The following PCDH9 variants were observed in gnomAD, a reference collection of about 807,000 sequenced individuals.
PCDH9 encodes the protein protocadherin-9.
In PCDH9, 24 loss-of-function variants were observed where a neutral mutation model predicts 70.6. The ratio of observed to expected loss-of-function variants is 0.34; its 90% confidence interval spans 0.25 to 0.48. The LOEUF (loss-of-function observed/expected upper bound fraction) is 0.48, where lower values mean the gene tolerates loss of function less well. Among genes scored for constraint, PCDH9 ranks in the 20% least tolerant of loss-of-function variants. The pLI, the probability that PCDH9 is intolerant of heterozygous loss-of-function variation, is 0.99. For missense variants in PCDH9, 1,281 were observed against 1,503.6 expected (o/e 0.85, Z 2.45); for synonymous variants, 562 against 558.5 (o/e 1.01, Z -0.09).
At chr13:67,101,836 C>T (rs2138241802) in intron 2 of PCDH9, among the ~76,000 whole-genome samples, 1 of 152,070 alleles carries the variant, frequency 6.6e-6, no homozygotes, top group African/African-American at 2.4e-5. Flanking sequence ...TTAAAACAAA[C>T]AATGGATAAC....
intron 3 of PCDH9, among the ~76,000 whole-genome samples, chr13:66,723,283 GC>G (rs2078965755): frequency 6.6e-6 from 1 of 152,048 alleles, no homozygotes; most frequent in African/African-American, 2.4e-5. Context: ...GAGTTAACAG[GC>G]CCCTCCAGAT....
chr13:66,475,760 A>G (rs961240414), intron 4 of PCDH9, among the ~76,000 whole-genome samples: 2 of 152,216 alleles, frequency 1.3e-5, no homozygotes, highest in African/African-American at 4.8e-5. Context: ...TACGCCCAGA[A>G]AGGGAGATGT....
intron 4 of PCDH9, among the ~76,000 whole-genome samples, chr13:66,474,999 T>A (rs9540766): frequency 0.18 from 27,745 of 151,992 alleles, 2,665 homozygotes; most frequent in Non-Finnish European, 0.21. Context: ...CTTGGGACAC[T>A]CTGTCACAAT....
At chr13:67,199,123 T>C (rs2089148185) in intron 2 of PCDH9, among the ~76,000 whole-genome samples, 1 of 151,504 alleles carries the variant, frequency 6.6e-6, no homozygotes, top group African/African-American at 2.4e-5. Context: ...AATTGATGCT[T>C]GGATCATTTT....
intron 3 of PCDH9, among the ~76,000 whole-genome samples, chr13:66,660,098 T>C (rs4884683): frequency 0.57 from 86,902 of 151,978 alleles, 25,230 homozygotes; most frequent in African/African-American, 0.66. Context: ...CACCACCACA[T>C]GGTCAAGTGA....
At chr13:66,847,774 C>T (rs192236112) in intron 3 of PCDH9, among the ~76,000 whole-genome samples, 131 of 152,262 alleles carry the variant, frequency 8.6e-4, no homozygotes, top group Non-Finnish European at 1.6e-3. Context: ...GACTAACGAG[C>T]AGGCAGCATA....
At chr13:66,463,704 T>G (rs1958466289) in intron 4 of PCDH9, among the ~76,000 whole-genome samples, 1 of 151,724 alleles carries the variant, frequency 6.6e-6, no homozygotes, top group Admixed American at 6.6e-5. Context: ...GTGTGTTGGA[T>G]CCATTGGATC....
chr13:66,917,720 C>T (rs905700442), intron 2 of PCDH9, among the ~76,000 whole-genome samples: 1 of 151,168 alleles, frequency 6.6e-6, no homozygotes, highest in South Asian at 2.1e-4. Flanking sequence ...ATGAATATTC[C>T]CTTACTAAAA....
chr13:66,343,546 GCAA>G (rs754981845), intron 4 of PCDH9, among the ~76,000 whole-genome samples: 2 of 152,108 alleles, frequency 1.3e-5, no homozygotes, highest in Non-Finnish European at 2.9e-5. Context: ...CTTCAAACCA[GCAA>G]CAACAAGGGA....
intron 2 of PCDH9, chr13:67,221,908 G>A (rs1161573221): frequency 6.6e-6 from 1 of 152,156 alleles, no homozygotes. Context: ...GTTTCAATAT[G>A]CTAAGGTAGT....
At chr13:66,358,127 T>C (rs546082733) in intron 4 of PCDH9, among the ~76,000 whole-genome samples, 55 of 152,146 alleles carry the variant, frequency 3.6e-4, no homozygotes, top group South Asian at 1.9e-3. Context: ...GGTAGGTTTA[T>C]AATTCTAGAA....
chr13:66,716,908 C>T (rs1447712926), intron 3 of PCDH9, among the ~76,000 whole-genome samples: 1 of 152,050 alleles, frequency 6.6e-6, no homozygotes, highest in Non-Finnish European at 1.5e-5. Context: ...TCAAAACTAA[C>T]ATTTATTTCT....
chr13:66,606,269 T>C (rs1314651149), intron 4 of PCDH9, among the ~76,000 whole-genome samples: 2 of 152,086 alleles, frequency 1.3e-5, no homozygotes, highest in African/African-American at 4.8e-5. Context: ...TGAATACATG[T>C]AGAATTTCTA....
At chr13:66,344,068 G>C (rs1436091329) in intron 4 of PCDH9, among the ~76,000 whole-genome samples, 1 of 152,162 alleles carries the variant, frequency 6.6e-6, no homozygotes, top group Non-Finnish European at 1.5e-5. Flanking sequence ...AAATCTGATA[G>C]AAAGTGTAAG....
intron 4 of PCDH9, among the ~76,000 whole-genome samples, chr13:66,531,050 A>G (rs1478982501): frequency 1.3e-5 from 2 of 151,576 alleles, no homozygotes; most frequent in Admixed American, 6.6e-5. Flanking sequence ...GCCTTAAGAA[A>G]AAGGATTTTT....
rs570381773 is a variant in PCDH9 at position 66,650,051 on chromosome 13, G to A, written c.3139-18640C>T. Among the ~76,000 whole-genome samples, 18 of 150,890 alleles carry A rather than the reference G, an allele frequency of 1.2e-4. 1 individual carries two copies. In the South Asian group the frequency reaches 3.5e-3, roughly 30 times the overall value. On this transcript the variant is annotated intron_variant, in intron 3 of 4. Coordinates refer to ENST00000377865, the MANE Select transcript of PCDH9 (RefSeq NM_203487.3). ...CCATAGAAAACCACCTTCAGTAAAA[G>A]GAAGATAGGAAGGAAGAAAAGAAAG...
chr13:66,913,292 T>A (rs2139624992), intron 2 of PCDH9, among the ~76,000 whole-genome samples: 1 of 152,130 alleles, frequency 6.6e-6, no homozygotes, highest in East Asian at 1.9e-4. Context: ...TAAGTTCTTT[T>A]TTTTATAGTG....
chr13:66,590,180 T>C (rs546547300), intron 4 of PCDH9, among the ~76,000 whole-genome samples: 1 of 151,988 alleles, frequency 6.6e-6, no homozygotes, highest in Admixed American at 6.6e-5. Context: ...TTTCATGTTG[T>C]TTTAAGGTTT....
At chr13:66,457,314 T>C (rs985287450) in intron 4 of PCDH9, among the ~76,000 whole-genome samples, 2 of 152,128 alleles carry the variant, frequency 1.3e-5, no homozygotes, top group African/African-American at 2.4e-5. Context: ...GAGGCTTCAA[T>C]ATGTTTATTT....
Sources: gnomAD v4.1 joint callset for allele counts (sites outside exome capture counted in the v4.1 genomes callset) on GRCh38, gnomAD v4.1.1 for gene constraint, MANE v1.5 for transcripts, NCBI Gene and HGNC (gene_info 2026-07-23, HGNC 2026-07-21) for gene names.